The following MAST4 variants were observed in gnomAD, a reference collection of about 807,000 sequenced individuals.
The protein encoded by MAST4 is microtubule-associated serine/threonine-protein kinase 4.
MAST4 carries 89 observed loss-of-function variants against 162.7 expected under a neutral mutation model. The observed-to-expected ratio is 0.55, with a 90% CI of 0.46 to 0.65. The LOEUF (loss-of-function observed/expected upper bound fraction) is 0.65. Among genes scored for constraint, MAST4 ranks in the 30% least tolerant of loss-of-function variants. MAST4 has a pLI of 0.00. For synonymous variants in MAST4, 1,479 were observed against 1,361.1 expected (o/e 1.09, Z -1.91); for missense variants, 3,153 against 3,374.0 (o/e 0.93, Z 1.62).
At chr5:66,943,646 T>C (rs187114136) in intron 4 of MAST4, among the ~76,000 whole-genome samples, 4 of 152,262 alleles carry the variant, frequency 2.6e-5, no homozygotes, top group Non-Finnish European at 4.4e-5. Flanking sequence ...GAATTATTAC[T>C]AATAGTACTT....
intron 1 of MAST4, among the ~76,000 whole-genome samples, chr5:66,651,217 A>G (rs913110986): frequency 1.3e-5 from 2 of 152,002 alleles, no homozygotes; most frequent in African/African-American, 4.8e-5. Context: ...CATACAGTGT[A>G]ATAGCTGCTA....
At chr5:66,875,960 T>G (rs1293909798) in intron 3 of MAST4, among the ~76,000 whole-genome samples, 1 of 152,114 alleles carries the variant, frequency 6.6e-6, no homozygotes, top group Non-Finnish European at 1.5e-5. Flanking sequence ...AAAGACAGGG[T>G]CTTGCTATGT....
intron 4 of MAST4, among the ~76,000 whole-genome samples, chr5:66,960,703 A>C (rs1344801689): frequency 6.6e-6 from 1 of 152,150 alleles, no homozygotes; most frequent in Non-Finnish European, 1.5e-5. Context: ...ATCATTTCAC[A>C]TTAGGCTTTT....
At chr5:67,127,572 C>T (rs535656715) in intron 14 of MAST4, among the ~76,000 whole-genome samples, 27 of 152,140 alleles carry the variant, frequency 1.8e-4, no homozygotes, top group Middle Eastern at 6.8e-3. Flanking sequence ...CCTTGCATCC[C>T]GGGGATGAAG....
At chr5:66,990,103 G>A (rs191642024) in intron 4 of MAST4, among the ~76,000 whole-genome samples, 68 of 152,200 alleles carry the variant, frequency 4.5e-4, no homozygotes, top group African/African-American at 1.6e-3. Context: ...ATGAATTATC[G>A]ATGGATTTCT....
chr5:66,640,400 C>G (rs35545180), intron 1 of MAST4, among the ~76,000 whole-genome samples: 1 of 151,644 alleles, frequency 6.6e-6, no homozygotes, highest in Non-Finnish European at 1.5e-5. Context: ...CTCTGCCTCC[C>G]GGGTTCATGC....
intron 4 of MAST4, among the ~76,000 whole-genome samples, chr5:66,998,930 C>G (rs1449597684): frequency 1.3e-5 from 2 of 152,180 alleles, no homozygotes; most frequent in Non-Finnish European, 2.9e-5. Flanking sequence ...TGAAGGCTGC[C>G]TAAAGTGACA....
intron 1 of MAST4, among the ~76,000 whole-genome samples, chr5:66,705,386 G>A (rs952762172): frequency 6.6e-6 from 1 of 152,036 alleles, no homozygotes; most frequent in Non-Finnish European, 1.5e-5. Flanking sequence ...GTTTCTAATC[G>A]CTGCTGCATA....
chr5:66,774,206 T>C (rs1754480448), intron 2 of MAST4, among the ~76,000 whole-genome samples: 1 of 152,238 alleles, frequency 6.6e-6, no homozygotes, highest in Non-Finnish European at 1.5e-5. Context: ...TTTAGATTGG[T>C]CTGATAAATT....
At chr5:66,630,425 C>T (rs6895643) in intron 1 of MAST4, among the ~76,000 whole-genome samples, 2 of 151,914 alleles carry the variant, frequency 1.3e-5, no homozygotes, top group Non-Finnish European at 2.9e-5. Flanking sequence ...TTGTGATTTG[C>T]GGGGAGGTGA....
intron 2 of MAST4, 63 bp from the exon 3 acceptor site, chr5:66,788,607 C>CCAACCA: frequency 3.6e-6 from 5 of 1,373,704 alleles, no homozygotes; most frequent in Admixed American, 1.8e-5. Context: ...CCCCCACCCC[C>CCAACCA]ATTGCAATAA....
At position 67,130,339 on chromosome 5, in the gene MAST4, A is replaced by C; in HGVS notation, c.1875A>C (p.Ala625=). The part of the protein sequence containing the change: ...AFVERDILTF[A]ENPFVVSMYC... ...TGGAGCGGGATATCCTGACTTTTGC[A>C]GAAAACCCCTTTGTTGTCAGCATGT... The change falls in exon 15 of 29, where the codon GCA becomes GCC. Residue 625 remains alanine (A), a synonymous_variant. Coordinates refer to ENST00000403625, the MANE Select transcript of MAST4 (RefSeq NM_001164664.2). 1 of 1,614,036 alleles carries C rather than the reference A, an allele frequency of 6.2e-7. No individual in the cohort carries two copies. The highest frequency in any genetic ancestry group is 8.5e-7 in the Non-Finnish European group (1 of 1,179,904).
chr5:67,133,521 G>T lies in MAST4; in HGVS notation c.2101G>T (p.Val701Phe). ...HRDLKPDNLLVTSMGHIKLTD... is the reference protein window; with the variant it reads ...HRDLKPDNLLFTSMGHIKLTD... ...TGTCCGTCTGCCTCATAGCTTGTTG[G>T]TTACCTCCATGGGGCACATAAAGCT... is the stretch of plus-strand genomic sequence containing the variant. The change falls in exon 17 of 29, where the codon GTT (valine) becomes TTT (phenylalanine). Residue 701 changes from valine to phenylalanine, a missense_variant. Val to Phe is a conservative substitution (Grantham distance 50). This residue lies in a region of MAST4 where 131 missense variants were observed against 253.8 expected (regional missense o/e 0.52). Transcript: ENST00000403625. 6.2e-7 allele frequency: 1 copy of T among 1,612,968 alleles called. No individual in the cohort carries two copies.
intron 3 of MAST4, among the ~76,000 whole-genome samples, chr5:66,888,591 C>T (rs1352812867): frequency 6.6e-6 from 1 of 152,126 alleles, no homozygotes; most frequent in Non-Finnish European, 1.5e-5. Flanking sequence ...TTTAATAGAA[C>T]ACTTGAATTA....
At chr5:66,928,002 T>C (rs958646506) in intron 4 of MAST4, among the ~76,000 whole-genome samples, 2 of 152,220 alleles carry the variant, frequency 1.3e-5, no homozygotes, top group African/African-American at 2.4e-5. Flanking sequence ...TCTGTACGTC[T>C]ATCCCTGTGT....
intron 3 of MAST4, among the ~76,000 whole-genome samples, chr5:66,846,498 G>A (rs943921696): frequency 2.0e-5 from 3 of 152,148 alleles, no homozygotes; most frequent in Non-Finnish European, 4.4e-5. Context: ...TATACTAAGA[G>A]GCAGGCTTTC....
At chr5:67,078,353 A>G (rs1467860565) in intron 5 of MAST4, among the ~76,000 whole-genome samples, 1 of 150,658 alleles carries the variant, frequency 6.6e-6, no homozygotes, top group Non-Finnish European at 1.5e-5. Flanking sequence ...AAAAAGTAAC[A>G]ATAAAAGACT....
At chr5:67,120,525 G>A (rs1767450233) in intron 13 of MAST4, among the ~76,000 whole-genome samples, 1 of 152,180 alleles carries the variant, frequency 6.6e-6, no homozygotes, top group Admixed American at 6.5e-5. Context: ...TGGCATGGAA[G>A]TAAAGAAAGG....
chr5:67,152,823 A>C lies in MAST4; in HGVS notation c.3482A>C (p.Tyr1161Ser). ...TTTACCATCCGAGCCATCCGGGTGT[A>C]TGTGGGAGACAGTGACATCTATACA... ...YGFTIRAIRV[Y>S]VGDSDIYTVH... The change falls in exon 25 of 29, where the codon TAT becomes TCT. Residue 1161 changes from tyrosine (Y) to serine (S), a missense_variant. Tyr to Ser is a moderately radical substitution (Grantham distance 144). Coordinates refer to ENST00000403625, the MANE Select transcript of MAST4 (RefSeq NM_001164664.2). 6.2e-7 allele frequency: 1 copy of C among 1,614,076 alleles called. No individual in the cohort carries two copies. The highest frequency in any genetic ancestry group is 8.5e-7 in the Non-Finnish European group (1 of 1,179,894).
Sources: gnomAD v4.1 joint callset for allele counts (sites outside exome capture counted in the v4.1 genomes callset) on GRCh38, gnomAD v4.1.1 for gene constraint, gnomAD v4.1.1 regional missense constraint, MANE v1.5 for transcripts, NCBI Gene and HGNC (gene_info 2026-07-23, HGNC 2026-07-21) for gene names.